The following CAP2 variants were observed in gnomAD, a reference collection of about 807,000 sequenced individuals.
CAP2 encodes cyclase associated actin cytoskeleton regulatory protein 2.
In CAP2, 24 loss-of-function variants were observed where a neutral mutation model predicts 57.7. The ratio of observed to expected loss-of-function variants is 0.42; its 90% CI spans 0.30 to 0.58. CAP2 has a LOEUF of 0.58. Among genes scored for constraint, CAP2 ranks in the 20% least tolerant of loss-of-function variants. The probability of loss-of-function intolerance (pLI) is 0.22; values close to 1 mark genes in which losing one functional copy is unlikely to be tolerated. For missense variants in CAP2, 501 were observed against 590.3 expected, an observed-to-expected ratio of 0.85 and a Z score of 1.57; for synonymous variants, 194 against 207.2, an observed-to-expected ratio of 0.94 and a Z score of 0.55.
intron 7 of CAP2, among the ~76,000 whole-genome samples, chr6:17,522,675 A>G (rs1028230066): frequency 1.3e-5 from 2 of 152,224 alleles, no homozygotes; most frequent in African/African-American, 4.8e-5. Flanking sequence ...GCAGAGCTGA[A>G]TGTGGCAAAA....
intron 7 of CAP2, among the ~76,000 whole-genome samples, chr6:17,529,651 A>AAAAAATAATAT (rs10656588): frequency 7.4e-6 from 1 of 134,538 alleles, no homozygotes; most frequent in Admixed American, 7.8e-5. Flanking sequence ...AAAAAAAAAA[A>AAAAAATAATAT]ATATATATAT....
At chr6:17,518,920 GAGCCACCACATCCA>G (rs879545066) in intron 7 of CAP2, among the ~76,000 whole-genome samples, 1 of 152,102 alleles carries the variant, frequency 6.6e-6, no homozygotes, top group Admixed American at 6.6e-5. Flanking sequence ...TTACAGGCGT[GAGCCACCACATCCA>G]GCCCAGAGGT....
chr6:17,511,243 A>C (rs1476571906), intron 6 of CAP2, among the ~76,000 whole-genome samples: 1 of 151,962 alleles, frequency 6.6e-6, no homozygotes, highest in Non-Finnish European at 1.5e-5. Context: ...CACACCATGC[A>C]ACACCCATTT....
intron 4 of CAP2, among the ~76,000 whole-genome samples, chr6:17,484,307 G>A (rs566237092): frequency 5.3e-4 from 80 of 152,202 alleles, no homozygotes; most frequent in Non-Finnish European, 5.9e-5. Flanking sequence ...TTCAGTGCTT[G>A]GGTGGCTCCC....
intron 3 of CAP2, among the ~76,000 whole-genome samples, chr6:17,461,130 C>CA (rs1760708208): frequency 6.6e-6 from 1 of 151,108 alleles, no homozygotes; most frequent in Non-Finnish European, 1.5e-5. Flanking sequence ...GCCTGGGTGA[C>CA]AGAGTGAGAC....
At position 17,447,175 on chromosome 6, in the gene CAP2, T is replaced by TA. The variant is rs5874607; in HGVS notation, c.223-15803dup. ...GTAACTGCGACCACAGGCAGCTAAT[T>TA]AAAAAAAAAAAAAAAAAAGTTTGTA... On this transcript the variant is annotated intron_variant, in intron 3 of 12. Coordinates refer to ENST00000229922, the MANE Select transcript of CAP2 (RefSeq NM_006366.3). Among the ~76,000 whole-genome samples the TA allele has an allele frequency of 3.4e-3, 460 of 133,446 alleles. 6 individuals carry two copies. Among genetic ancestry groups the TA allele is most frequent in the African/African-American group, 0.011 (411 of 35,990 alleles). The allele number at this position is 133,446 out of a possible 152,430, so 87.5% of individuals were successfully genotyped here.
chr6:17,471,029 A>G (rs754144558), intron 4 of CAP2, among the ~76,000 whole-genome samples: 7 of 152,354 alleles, frequency 4.6e-5, no homozygotes, highest in East Asian at 1.9e-4. Flanking sequence ...ATGTTTTACC[A>G]TAACGATAAG....
chr6:17,436,140 T>C (rs1198602757), intron 3 of CAP2, among the ~76,000 whole-genome samples: 3 of 151,746 alleles, frequency 2.0e-5, no homozygotes, highest in Non-Finnish European at 2.9e-5. Flanking sequence ...CTTCCTTCCT[T>C]TCTTGATAGA....
At position 17,398,008 on chromosome 6, in the gene CAP2, T is replaced by C. The variant is rs115261446; in HGVS notation, c.-2+4262T>C. ...ACTTACTCATTTCCCCAAACCAAGA[T>C]AAAATGATTAGATCTGACATTCTGA... On this transcript the variant is annotated intron_variant, in intron 1 of 12. Transcript: ENST00000229922. Among the ~76,000 whole-genome samples, 383 of 152,278 alleles carry C rather than the reference T, an allele frequency of 2.5e-3. 3 individuals carry two copies. The highest frequency in any genetic ancestry group is 8.6e-3 in the African/African-American group (359 of 41,556).
At chr6:17,439,585 C>T (rs1384605489) in intron 3 of CAP2, among the ~76,000 whole-genome samples, 1 of 151,214 alleles carries the variant, frequency 6.6e-6, no homozygotes. Flanking sequence ...CAGTGAGAGC[C>T]CTGAGCTTAT....
intron 3 of CAP2, among the ~76,000 whole-genome samples, chr6:17,442,418 A>G (rs1303381357): frequency 3.3e-5 from 5 of 152,178 alleles, no homozygotes; most frequent in African/African-American, 9.7e-5. Context: ...GGAACAGACA[A>G]CATGTGCAGG....
intron 2 of CAP2, among the ~76,000 whole-genome samples, chr6:17,423,744 G>A (rs185716389): frequency 8.8e-4 from 134 of 152,262 alleles, no homozygotes; most frequent in African/African-American, 2.7e-3. Flanking sequence ...GAATTAGAGG[G>A]TATGTAATTA....
intron 7 of CAP2, among the ~76,000 whole-genome samples, chr6:17,529,651 A>AAAATATATATATATATATATAT (rs10656588): frequency 1.5e-5 from 2 of 134,538 alleles, no homozygotes; most frequent in African/African-American, 5.9e-5. Context: ...AAAAAAAAAA[A>AAAATATATATATATATATATAT]ATATATATAT....
intron 3 of CAP2, among the ~76,000 whole-genome samples, chr6:17,427,341 C>T (rs952440381): frequency 2.6e-5 from 4 of 152,074 alleles, no homozygotes; most frequent in African/African-American, 7.2e-5. Flanking sequence ...GGAAGCCACC[C>T]GGGGTCACCG....
At chr6:17,519,215 C>T (rs930442447) in intron 7 of CAP2, among the ~76,000 whole-genome samples, 22 of 152,234 alleles carry the variant, frequency 1.4e-4, no homozygotes, top group African/African-American at 5.1e-4. Context: ...GTCCCTGATC[C>T]CATCTCCTAA....
At chr6:17,535,155 T>C (rs1052572788) in intron 7 of CAP2, among the ~76,000 whole-genome samples, 1 of 152,182 alleles carries the variant, frequency 6.6e-6, no homozygotes, top group Admixed American at 6.5e-5. Flanking sequence ...AGATAAAAAC[T>C]GAGCCAGATA....
At position 17,534,221 on chromosome 6, in the gene CAP2, T is replaced by G. The variant is rs191987058; in HGVS notation, c.637-5048T>G. Among the ~76,000 whole-genome samples, 727 of 152,350 alleles carry G rather than the reference T, an allele frequency of 4.8e-3. 3 individuals carry two copies. Among genetic ancestry groups the G allele is most frequent in the Non-Finnish European group, 7.8e-3 (530 of 68,026 alleles). On this transcript the variant is annotated intron_variant, in intron 7 of 12. Coordinates refer to ENST00000229922, the MANE Select transcript of CAP2 (RefSeq NM_006366.3). ...CTAACTGTTAGGATAAAACATACTA[T>G]AAAAGAATTTGTTATTAAGAAAAGC... is the stretch of plus-strand genomic sequence containing the variant.
intron 7 of CAP2, chr6:17,536,398 T>C (rs1166746694): frequency 7.1e-6 from 3 of 424,264 alleles, no homozygotes; most frequent in East Asian, 7.1e-5. Context: ...CCCGGTATTG[T>C]GCTCTTGCTG....
At chr6:17,438,687 C>T (rs1230877968) in intron 3 of CAP2, among the ~76,000 whole-genome samples, 54 of 148,758 alleles carry the variant, frequency 3.6e-4, no homozygotes, top group Non-Finnish European at 5.3e-4. Context: ...GATCCGCCCA[C>T]CTCGGCCTCC....
Sources: gnomAD v4.1 joint callset for allele counts (sites outside exome capture counted in the v4.1 genomes callset) on GRCh38, gnomAD v4.1.1 for gene constraint, MANE v1.5 for transcripts, NCBI Gene and HGNC (gene_info 2026-07-23, HGNC 2026-07-21) for gene names.